The following KANK1 variants were observed in gnomAD, a reference collection of about 807,000 sequenced individuals.
The protein encoded by KANK1 is KN motif and ankyrin repeat domains 1.
KANK1 carries 109 observed loss-of-function variants against 106.2 expected under a neutral mutation model. The ratio of observed to expected loss-of-function variants is 1.03; its 90% CI spans 0.88 to 1.20. KANK1 has a LOEUF of 1.20. KANK1 is among the 50% of genes most tolerant of loss of function. The pLI, the probability that KANK1 is intolerant of heterozygous loss-of-function variation, is 0.00. For synonymous variants in KANK1, 873 were observed against 652.2 expected (o/e 1.34, Z -5.16); for missense variants, 2,399 against 1,710.7 (o/e 1.40, Z -7.10).
At chr9:582,063 C>A (rs1588012050) in intron 1 of KANK1, among the ~76,000 whole-genome samples, 1 of 152,182 alleles carries the variant, frequency 6.6e-6, no homozygotes, top group African/African-American at 2.4e-5. Flanking sequence ...GGAACTCCCC[C>A]TGCCCCAGAG....
At chr9:744,434 G>T in intron 10 of KANK1, 57 bp from the exon 11 acceptor site, 2 of 1,565,186 alleles carry the variant, frequency 1.3e-6, no homozygotes, top group South Asian at 1.2e-5. Context: ...GTTACCTTTC[G>T]GTTGTCTGGA....
At chr9:562,355 G>T (rs1026906036) in intron 1 of KANK1, among the ~76,000 whole-genome samples, 3 of 152,204 alleles carry the variant, frequency 2.0e-5, no homozygotes, top group Non-Finnish European at 2.9e-5. Context: ...CCCGGCCCAA[G>T]TAAATTGCAT....
At chr9:702,665 C>T (rs1231621303) in intron 2 of KANK1, among the ~76,000 whole-genome samples, 2 of 152,162 alleles carry the variant, frequency 1.3e-5, no homozygotes, top group African/African-American at 4.8e-5. Context: ...AATGTAGCCT[C>T]TTTCCCTACG....
At position 571,998 on chromosome 9, in the gene KANK1, A is replaced by G. The variant is rs530470450; in HGVS notation, c.-84+67244A>G. 5.3e-5 allele frequency among the ~76,000 whole-genome samples: 8 copies of G among 152,284 alleles called. No individual in the cohort carries two copies. The South Asian group carries it at 1.7e-3, about 32-fold the overall frequency. On this transcript the variant is annotated intron_variant, in intron 1 of 11. Transcript: ENST00000382297. Reference sequence around the variant, plus strand: ...ACAACTCGGAACTTTGTGGTTGGGCATCTTTTTCTGCCGTCCAACTTTGGA... The same window carrying G: ...ACAACTCGGAACTTTGTGGTTGGGCGTCTTTTTCTGCCGTCCAACTTTGGA...
intron 3 of KANK1, among the ~76,000 whole-genome samples, chr9:475,779 C>T (rs2058092242): frequency 6.6e-6 from 1 of 152,164 alleles, no homozygotes; most frequent in Non-Finnish European, 1.5e-5. Context: ...TCTCTGTTAA[C>T]ATAGCTAGAT....
At chr9:513,906 A>G (rs1219424663) in intron 1 of KANK1, among the ~76,000 whole-genome samples, 25 of 152,148 alleles carry the variant, frequency 1.6e-4, no homozygotes, top group Admixed American at 1.6e-3. Context: ...AGTCCCAGCT[A>G]CTTGGGAGGC....
intron 1 of KANK1, among the ~76,000 whole-genome samples, chr9:562,333 T>G (rs1345618990): frequency 6.6e-6 from 1 of 151,792 alleles, no homozygotes; most frequent in Non-Finnish European, 1.5e-5. Context: ...ATTACAGGCG[T>G]GAGCCACCGC....
intron 1 of KANK1, among the ~76,000 whole-genome samples, chr9:611,553 C>G (rs1830556977): frequency 6.6e-6 from 1 of 152,196 alleles, no homozygotes; most frequent in Non-Finnish European, 1.5e-5. Flanking sequence ...CACTTCACTT[C>G]TTAATAACAT....
chr9:603,377 C>G (rs941888895), intron 1 of KANK1, among the ~76,000 whole-genome samples: 18 of 151,796 alleles, frequency 1.2e-4, no homozygotes, highest in African/African-American at 4.4e-4. Context: ...CTTGAAGTAG[C>G]TTTGATAGCT....
At chr9:543,358 C>A (rs1321467894) in intron 1 of KANK1, among the ~76,000 whole-genome samples, 1 of 151,908 alleles carries the variant, frequency 6.6e-6, no homozygotes, top group Non-Finnish European at 1.5e-5. Flanking sequence ...GAGTTTGAGA[C>A]CAGCCTGGCC....
At chr9:512,349 G>A (rs1242013575) in intron 1 of KANK1, among the ~76,000 whole-genome samples, 1 of 152,014 alleles carries the variant, frequency 6.6e-6, no homozygotes, top group African/African-American at 2.4e-5. Flanking sequence ...CCAACAGATG[G>A]AGACAAGGAG....
intron 1 of KANK1, among the ~76,000 whole-genome samples, chr9:505,134 C>T (rs985624282): frequency 2.6e-5 from 4 of 152,140 alleles, no homozygotes; most frequent in African/African-American, 9.7e-5. Context: ...TACCCCGGCC[C>T]GGCGCTCTGT....
intron 3 of KANK1, among the ~76,000 whole-genome samples, chr9:481,365 G>A (rs2058200330): frequency 6.6e-6 from 1 of 152,114 alleles, no homozygotes; most frequent in Non-Finnish European, 1.5e-5. Flanking sequence ...CGTGGCCTAT[G>A]GATCAAGAGG....
Position 711,781 on chromosome 9 carries a change from C to G in KANK1, c.1015C>G (p.Arg339Gly), listed in dbSNP as rs774054122. ...CCAGCTGGAACAGCTCTCCCGGGCC[C>G]GAAGAAGTGGCGGGGAATTATACAT... ...ASQLEQLSRA[R>G]RSGGELYIDY... Residue 339 changes from arginine to glycine, a missense_variant, in exon 3 of 12, where the codon CGA (arginine) becomes GGA (glycine). By Grantham distance (125) the Arg-to-Gly change is moderately radical. Transcript: ENST00000382297. 9 of 1,613,940 alleles carry G rather than the reference C, an allele frequency of 5.6e-6. No individual in the cohort carries two copies. In the African/African-American group the frequency reaches 9.3e-5, roughly 17 times the overall value.
intron 1 of KANK1, among the ~76,000 whole-genome samples, chr9:659,498 A>T (rs1470236839): frequency 6.6e-6 from 1 of 152,158 alleles, no homozygotes; most frequent in Non-Finnish European, 1.5e-5. Context: ...CTGGGAACCC[A>T]CTTTGAGAAC....
At chr9:571,085 A>C (rs10975200) in intron 1 of KANK1, among the ~76,000 whole-genome samples, 2 of 152,010 alleles carry the variant, frequency 1.3e-5, no homozygotes, top group Admixed American at 6.5e-5. Flanking sequence ...ACCAGTTTGC[A>C]CCTCTGTTGT....
intron 3 of KANK1, chr9:476,636 C>T (rs754514504): frequency 3.9e-5 from 6 of 152,180 alleles, no homozygotes; most frequent in Non-Finnish European, 5.9e-5. Flanking sequence ...AGCACTTTAC[C>T]GTCTTTCCTG....
rs185691287 is a variant in KANK1 at position 714,658 on chromosome 9, C to T, written c.2698+1194C>T. On this transcript the variant is annotated intron_variant, in intron 3 of 11. Transcript: ENST00000382297. ...CAGACATGAGCCACCACACCTGGCC[C>T]GATAGGCGCTTACATTTTTGTCTGT... Among the ~76,000 whole-genome samples the T allele has an allele frequency of 2.3e-3, 347 of 152,154 alleles. 6 individuals are homozygous for T. Among genetic ancestry groups the T allele is most frequent in the Admixed American group, 0.019 (293 of 15,280 alleles).
At chr9:527,913 C>A (rs879454568) in intron 1 of KANK1, among the ~76,000 whole-genome samples, 1 of 148,346 alleles carries the variant, frequency 6.7e-6, no homozygotes, top group Non-Finnish European at 1.5e-5. Flanking sequence ...CTCCTGATCA[C>A]AAGGTCAGGA....
Sources: gnomAD v4.1 joint callset for allele counts (sites outside exome capture counted in the v4.1 genomes callset) on GRCh38, gnomAD v4.1.1 for gene constraint, MANE v1.5 for transcripts, NCBI Gene and HGNC (gene_info 2026-07-23, HGNC 2026-07-21) for gene names.